PSMA1: variants seen among roughly 807,000 people sequenced by gnomAD.
The protein encoded by PSMA1 is proteasome subunit alpha type-1.
A neutral mutation model predicts 38.4 loss-of-function variants in PSMA1; 3 were observed. The observed-to-expected ratio is 0.08, with a 90% CI of 0.04 to 0.20. The LOEUF is 0.20. PSMA1 is among the 10% of genes least tolerant of loss of function. The probability of loss-of-function intolerance (pLI) is 1.00; values close to 1 mark genes in which losing one functional copy is unlikely to be tolerated. For synonymous variants in PSMA1, 101 were observed against 107.1 expected (o/e 0.94, Z 0.35); for missense variants, 227 against 325.3 (o/e 0.70, Z 2.32).
chr11:14,584,039 C>T lies in PSMA1; in HGVS notation c.21+26927G>A, dbSNP rs151252173. On this transcript the variant is annotated intron_variant, in intron 2 of 10. Transcript: ENST00000418988. ...CTGGACACAGCAAATAAGCACGTGG[C>T]TAATGCCAGTCCATAAAGTCCTTCT... Among the ~76,000 whole-genome samples the T allele has an allele frequency of 3.3e-3, 498 of 152,304 alleles. 6 individuals are homozygous for T. The highest frequency in any genetic ancestry group is 0.011 in the African/African-American group (466 of 41,558).
At position 14,505,099 on chromosome 11, in the gene PSMA1, C is replaced by T; in HGVS notation, c.*93G>A. On this transcript the variant is annotated 3_prime_UTR_variant, in exon 10 of 10. Coordinates refer to ENST00000396394, the MANE Select transcript of PSMA1 (RefSeq NM_002786.4). ...TAAAACATAGCATTCCACCACTCTG[C>T]AACTTTTGGTTCAAAGTATAGATTA... 1 of 1,191,642 alleles carries T rather than the reference C, an allele frequency of 8.4e-7. No individual in the cohort carries two copies. Among genetic ancestry groups the T allele is most frequent in the Non-Finnish European group, 1.3e-6 (1 of 799,642 alleles). The allele number at this position is 1,191,642 out of a possible 1,614,324, so 73.8% of individuals were successfully genotyped here.
At chr11:14,578,097 A>G (rs1456023133) in intron 2 of PSMA1, among the ~76,000 whole-genome samples, 1 of 152,088 alleles carries the variant, frequency 6.6e-6, no homozygotes, top group Non-Finnish European at 1.5e-5. Context: ...TAGGGGAGGG[A>G]TAGCATTAGG....
At chr11:14,541,182 T>G (rs1170132042) in intron 2 of PSMA1, among the ~76,000 whole-genome samples, 1 of 152,224 alleles carries the variant, frequency 6.6e-6, no homozygotes, top group Admixed American at 6.5e-5. Flanking sequence ...CACATTAACA[T>G]GAGAATATAT....
chr11:14,524,833 C>T (rs1371552775), upstream of PSMA1, among the ~76,000 whole-genome samples: 3 of 152,120 alleles, frequency 2.0e-5, no homozygotes, highest in African/African-American at 4.8e-5. Flanking sequence ...GATTTTAAAT[C>T]GGGAGCCCAC....
intron 1 of PSMA1, among the ~76,000 whole-genome samples, chr11:14,631,624 G>T (rs1423169713): frequency 1.3e-5 from 2 of 152,120 alleles, no homozygotes. Flanking sequence ...GTGTGGTGCT[G>T]AAAAAAATGT....
chr11:14,542,948 C>T (rs894988114), intron 2 of PSMA1, among the ~76,000 whole-genome samples: 14 of 152,084 alleles, frequency 9.2e-5, no homozygotes, highest in African/African-American at 3.1e-4. Context: ...CTCCGCCTCC[C>T]AGGTTCGAGT....
At chr11:14,522,648 T>C (rs1851542958), upstream of PSMA1, among the ~76,000 whole-genome samples, 1 of 152,240 alleles carries the variant, frequency 6.6e-6, no homozygotes, top group Admixed American at 6.5e-5. Context: ...GTTGTATTTC[T>C]TGGCTGTTTA....
intron 2 of PSMA1, among the ~76,000 whole-genome samples, chr11:14,569,606 C>G (rs1242320226): frequency 6.6e-6 from 1 of 152,204 alleles, no homozygotes; most frequent in African/African-American, 2.4e-5. Context: ...GAGCCTCACT[C>G]ACTGCTAGCA....
At chr11:14,536,503 G>A (rs1352761937) in intron 2 of PSMA1, among the ~76,000 whole-genome samples, 1 of 151,164 alleles carries the variant, frequency 6.6e-6, no homozygotes, top group Non-Finnish European at 1.5e-5. Flanking sequence ...CTCCAGCCTG[G>A]GCGAAAGAGC....
intron 2 of PSMA1, among the ~76,000 whole-genome samples, chr11:14,564,891 C>T (rs1339165747): frequency 6.6e-6 from 1 of 151,928 alleles, no homozygotes; most frequent in Non-Finnish European, 1.5e-5. Flanking sequence ...CTTCCTCCCA[C>T]CTCAGCCTAC....
intron 2 of PSMA1, among the ~76,000 whole-genome samples, chr11:14,558,508 T>C (rs1433273963): frequency 1.3e-5 from 2 of 152,212 alleles, no homozygotes; most frequent in Admixed American, 6.5e-5. Context: ...TGCTTTGAGA[T>C]AATGTGCTAA....
intron 2 of PSMA1, among the ~76,000 whole-genome samples, chr11:14,582,369 AG>A (rs1471509146): frequency 6.6e-6 from 1 of 152,140 alleles, no homozygotes; most frequent in Admixed American, 6.5e-5. Flanking sequence ...CATAACTCCC[AG>A]CACCTCCCAT....
chr11:14,599,682 A>T (rs1852554154), intron 2 of PSMA1, among the ~76,000 whole-genome samples: 2 of 152,142 alleles, frequency 1.3e-5, no homozygotes, highest in Admixed American at 6.5e-5. Flanking sequence ...GATGGGTTTG[A>T]ACATCCTCCT....
intron 1 of PSMA1, among the ~76,000 whole-genome samples, chr11:14,640,835 CAAT>C (rs1281295217): frequency 6.6e-6 from 1 of 152,172 alleles, no homozygotes; most frequent in Non-Finnish European, 1.5e-5. Flanking sequence ...TTTGGAATCT[CAAT>C]GATACTGGTT....
At chr11:14,537,282 C>T (rs1406823060) in intron 2 of PSMA1, among the ~76,000 whole-genome samples, 2 of 152,220 alleles carry the variant, frequency 1.3e-5, no homozygotes, top group Admixed American at 1.3e-4. Flanking sequence ...CCTGACCCCA[C>T]CACCCTCGCC....
At chr11:14,572,199 A>G (rs1852151505) in intron 2 of PSMA1, among the ~76,000 whole-genome samples, 1 of 152,216 alleles carries the variant, frequency 6.6e-6, no homozygotes, top group Non-Finnish European at 1.5e-5. Flanking sequence ...ACACCAAATT[A>G]ACAGAAGATA....
At chr11:14,514,045 A>G in intron 5 of PSMA1, 158 bp from the exon 6 acceptor site, 1 of 1,334,766 alleles carries the variant, frequency 7.5e-7, no homozygotes, top group Non-Finnish European at 9.6e-7. Context: ...GGCCTAATAT[A>G]AAATGTTTGA....
At chr11:14,569,614 G>A (rs925753021) in intron 2 of PSMA1, among the ~76,000 whole-genome samples, 1 of 152,204 alleles carries the variant, frequency 6.6e-6, no homozygotes, top group East Asian at 1.9e-4. Flanking sequence ...CTCACTGCTA[G>A]CACAGCAGTC....
intron 2 of PSMA1, among the ~76,000 whole-genome samples, chr11:14,568,403 T>C (rs1305141436): frequency 6.6e-6 from 1 of 152,222 alleles, no homozygotes; most frequent in African/African-American, 2.4e-5. Flanking sequence ...GTGAAAAATA[T>C]AAGATAGGCT....
Sources: gnomAD v4.1 joint callset for allele counts (sites outside exome capture counted in the v4.1 genomes callset) on GRCh38, gnomAD v4.1.1 for gene constraint, MANE v1.5 for transcripts, NCBI Gene and HGNC (gene_info 2026-07-23, HGNC 2026-07-21) for gene names.